CC2D2B: variants seen among roughly 807,000 people sequenced by gnomAD.
CC2D2B encodes the protein protein CC2D2B.
Under a neutral mutation model 161.2 loss-of-function variants are expected in CC2D2B, and 128 were observed. That is an observed-to-expected ratio of 0.79 (90% CI 0.69 to 0.92). The LOEUF (loss-of-function observed/expected upper bound fraction) is 0.92. Among genes scored for constraint, CC2D2B ranks in the 40% least tolerant of loss-of-function variants. CC2D2B has a pLI of 0.00. For synonymous variants in CC2D2B, 391 were observed against 449.8 expected (o/e 0.87, Z 1.65); for missense variants, 1,173 against 1,375.1 (o/e 0.85, Z 2.32).
chr10:95,922,069 C>T lies in CC2D2B; in HGVS notation c.90C>T (p.Leu30=). 1 of 1,514,944 alleles carries T rather than the reference C, an allele frequency of 6.6e-7. No homozygotes were observed. Among genetic ancestry groups the T allele is most frequent in the Non-Finnish European group, 9.0e-7 (1 of 1,116,496 alleles). The allele number at this position is 1,514,944 out of a possible 1,614,324, so 93.8% of individuals were successfully genotyped here. Residue 30 remains leucine (L), a synonymous_variant, in exon 3 of 35, where the codon CTC becomes CTT. Coordinates refer to ENST00000646931, the MANE Select transcript of CC2D2B (RefSeq NM_001349008.3). ...CTGAAGAAATTATAGACAAGCATCT[C>T]CAAAAAGGTTCTCAATAAGTATACC... ...ITAEEIIDKH[L]QKDLDAEENQ...
chr10:96,025,458 A>G (rs953853670), intron 33 of CC2D2B, among the ~76,000 whole-genome samples: 7 of 150,450 alleles, frequency 4.7e-5, no homozygotes, highest in African/African-American at 1.7e-4. Flanking sequence ...GCATTCTTTG[A>G]TAGGACAGAC....
At chr10:96,030,171 CGAAACCCATGGATAT>C (rs921119792) in intron 34 of CC2D2B, among the ~76,000 whole-genome samples, 34 of 151,956 alleles carry the variant, frequency 2.2e-4, no homozygotes, top group African/African-American at 7.3e-4. Flanking sequence ...TCCTCAAATG[CGAAACCCATGGATAT>C]GAAGGACCAA....
In CC2D2B at chr10:95,947,147, C is replaced by G. The variant is rs1330881449; in HGVS notation, c.802-2749C>G. On this transcript the variant is annotated intron_variant, in intron 9 of 34. Transcript: ENST00000646931. ...TTTTTTTTTGAGACAAAGTATTGCT[C>G]TGTCACCCAGGCTAGAGTACAATGG... is the stretch of plus-strand genomic sequence containing the variant. Among the ~76,000 whole-genome samples, 48 of 107,422 alleles carry G rather than the reference C, an allele frequency of 4.5e-4. 1 individual carries two copies. Among genetic ancestry groups the G allele is most frequent in the African/African-American group, 1.6e-3 (47 of 29,486 alleles). The allele number at this position is 107,422 out of a possible 152,430, so 70.5% of individuals were successfully genotyped here. A position where few individuals can be genotyped will look rare whatever the true frequency, so the allele number is the denominator to read the frequency against.
At chr10:95,936,499 C>T (rs2075826460) in intron 6 of CC2D2B, among the ~76,000 whole-genome samples, 2 of 152,088 alleles carry the variant, frequency 1.3e-5, no homozygotes, top group South Asian at 2.1e-4. Flanking sequence ...AGGGACACTA[C>T]CCCTTTTTTA....
chr10:95,974,296 A>G, intron 17 of CC2D2B, 140 bp downstream of exon 17: 2 of 425,472 alleles, frequency 4.7e-6, no homozygotes, highest in Non-Finnish European at 7.9e-6. Context: ...TTTTATTTAA[A>G]TCACTCTACT....
intron 2 of CC2D2B, among the ~76,000 whole-genome samples, chr10:95,913,692 T>C (rs1357679134): frequency 6.6e-6 from 1 of 152,232 alleles, no homozygotes; most frequent in Non-Finnish European, 1.5e-5. Context: ...ATTGTAGTTT[T>C]GATTTGCATT....
rs1447549525 is a variant in CC2D2B, at chr10:95,924,327, A to G, written c.111A>G (p.Glu37=). Residue 37 remains glutamate (E), a synonymous_variant, in exon 4 of 35, where the codon GAA becomes GAG. Coordinates refer to ENST00000646931, the MANE Select transcript of CC2D2B (RefSeq NM_001349008.3). ...DKHLQKDLDA[E]ENQNVAKTLR... is the part of the protein sequence containing the mutation. ...GTTTCCTGATAGATTTAGATGCAGA[A>G]GAAAATCAAAATGTAGCAAAGACAT... 1.3e-6 allele frequency: 2 copies of G among 1,512,938 alleles called. No individual in the cohort carries two copies. Among genetic ancestry groups the G allele is most frequent in the Non-Finnish European group, 1.8e-6 (2 of 1,126,386 alleles). The allele number at this position is 1,512,938 out of a possible 1,614,324, so 93.7% of individuals were successfully genotyped here.
At chr10:96,006,789 C>A (rs1318516592) in intron 25 of CC2D2B, among the ~76,000 whole-genome samples, 1 of 152,092 alleles carries the variant, frequency 6.6e-6, no homozygotes, top group Admixed American at 6.6e-5. Context: ...GAACCTCTTC[C>A]ACCATTTAAC....
rs148419662 is a variant in CC2D2B, at chr10:95,910,483, A to C, written c.-23-818A>C. On this transcript the variant is annotated intron_variant, in intron 1 of 34. Coordinates refer to ENST00000646931, the MANE Select transcript of CC2D2B (RefSeq NM_001349008.3). ...GAAGGAGGGGGGAGGTCCTAGACAGACTCTTTTAAACAACTAGATCTCATG... is the reference window on the plus strand; with the variant it reads ...GAAGGAGGGGGGAGGTCCTAGACAGCCTCTTTTAAACAACTAGATCTCATG... 4.8e-3 allele frequency among the ~76,000 whole-genome samples: 727 copies of C among 151,994 alleles called. 2 individuals are homozygous for C. Among genetic ancestry groups the C allele is most frequent in the Non-Finnish European group, 8.1e-3 (552 of 67,988 alleles).
intron 34 of CC2D2B, among the ~76,000 whole-genome samples, chr10:96,031,273 A>G (rs567382614): frequency 3.3e-5 from 5 of 152,314 alleles, no homozygotes; most frequent in Non-Finnish European, 7.4e-5. Context: ...ACTACATGGG[A>G]AGAGCGTGTG....
intron 9 of CC2D2B, 113 bp from the exon 10 acceptor site, chr10:95,949,783 T>C (rs181872084): frequency 1.2e-3 from 466 of 396,518 alleles, no homozygotes; most frequent in Non-Finnish European, 1.6e-3. Context: ...TTTGTTTTTC[T>C]ATATCTCTTG....
rs1255550378 is a variant in CC2D2B, at chr10:96,012,463, AT to A, written c.3229-67del. The A allele has an allele frequency of 7.0e-6, 8 of 1,147,648 alleles. No individual in the cohort carries two copies. The East Asian group carries it at 1.7e-4, about 24-fold the overall frequency. 71.1% of individuals were successfully genotyped at this position (1,147,648 alleles called of 1,614,324 possible). On this transcript the variant is annotated intron_variant, in intron 27 of 34. Transcript: ENST00000646931. ...AATTTCAAAGATGGCAAAAATAAAC[AT>A]TGGTTCTTGATATTTTCTTGTGAGA...
At chr10:96,011,109 T>A (rs1009731699) in intron 26 of CC2D2B, among the ~76,000 whole-genome samples, 3 of 152,232 alleles carry the variant, frequency 2.0e-5, no homozygotes, top group Admixed American at 1.3e-4. Context: ...TGTTACCAAC[T>A]GAAGCTATTG....
At chr10:95,934,903 G>A (rs191252651) in intron 6 of CC2D2B, among the ~76,000 whole-genome samples, 1 of 150,696 alleles carries the variant, frequency 6.6e-6, no homozygotes, top group African/African-American at 2.4e-5. Context: ...TGGAGTCTTG[G>A]TCTGTCACCC....
rs2080080661 is a variant in CC2D2B at position 96,031,858 on chromosome 10, ACAGT to A, written c.4167_4170del (p.Ser1390LeufsTer22). On this transcript the variant is annotated frameshift_variant, in exon 35 of 35. Transcript: ENST00000646931. LOFTEE classifies it high-confidence loss of function. Reference sequence around the variant, plus strand: ...CCATCCAGATGCCATACATTGATGTACAGTCAATTATTGATGCTGTTTATCAAAC... The same window carrying A: ...CCATCCAGATGCCATACATTGATGTACAATTATTGATGCTGTTTATCAAAC... 1 of 1,613,654 alleles carries A rather than the reference ACAGT, an allele frequency of 6.2e-7. No homozygotes were observed. The highest frequency in any genetic ancestry group is 8.5e-7 in the Non-Finnish European group (1 of 1,179,736).
rs980607419 is a variant in CC2D2B, at chr10:95,911,338, A to G, written c.15A>G (p.Gln5=). The change falls in exon 2 of 35, where the codon CAA becomes CAG. Residue 5 remains glutamine (Q), a synonymous_variant. Transcript: ENST00000646931. MKKS[Q]REDIFKKMSE... is the part of the protein sequence containing the mutation. ...AAAGGACCATCATGAAAAAATCTCA[A>G]AGAGAAGATATTTTTAAAAAGGTAA... 4 of 242,982 alleles carry G rather than the reference A, an allele frequency of 1.6e-5. No homozygotes were observed. The highest frequency in any genetic ancestry group is 3.1e-5 in the Non-Finnish European group (4 of 129,182). The allele number at this position is 242,982 out of a possible 1,614,324, so 15.1% of individuals were successfully genotyped here. A position where few individuals can be genotyped will look rare whatever the true frequency, so the allele number is the denominator to read the frequency against.
chr10:95,911,217 TA>T (rs2098505865), intron 1 of CC2D2B, 83 bp from the exon 2 acceptor site: 1 of 202,180 alleles, frequency 4.9e-6, no homozygotes, highest in South Asian at 1.8e-4. Flanking sequence ...TTAAAAAATT[TA>T]AAAAGCATAC....
chr10:95,974,251 A>G (rs1168987715), intron 17 of CC2D2B, 95 bp downstream of exon 17: 2 of 600,634 alleles, frequency 3.3e-6, no homozygotes, highest in African/African-American at 1.9e-5. Context: ...GAGCAGCAAT[A>G]GGAAGAGTTT....
chr10:96,011,734 C>A (rs2078996273), intron 26 of CC2D2B, among the ~76,000 whole-genome samples: 1 of 129,398 alleles, frequency 7.7e-6, no homozygotes, highest in African/African-American at 2.8e-5. Context: ...TTACCTCTTA[C>A]ACACACGCAC....
Sources: allele counts gnomAD v4.1 joint callset (sites outside exome capture counted in the v4.1 genomes callset), GRCh38; gene constraint gnomAD v4.1.1; transcripts MANE v1.5; gene names NCBI Gene and HGNC (gene_info 2026-07-23, HGNC 2026-07-21).